PPFIA2: variants seen among roughly 807,000 people sequenced by gnomAD.
PPFIA2 encodes liprin-alpha-2.
In PPFIA2, 46 loss-of-function variants were observed where a neutral mutation model predicts 175.5. The observed-to-expected ratio is 0.26, with a 90% CI of 0.21 to 0.34. The LOEUF (loss-of-function observed/expected upper bound fraction) is 0.34, where lower values mean the gene tolerates loss of function less well. PPFIA2 is among the 10% of genes least tolerant of loss of function. The probability of loss-of-function intolerance (pLI) is 1.00; values close to 1 mark genes in which losing one functional copy is unlikely to be tolerated. For missense variants in PPFIA2, 1,179 were observed against 1,506.1 expected, an observed-to-expected ratio of 0.78 and a Z score of 3.60; for synonymous variants, 568 against 511.4, an observed-to-expected ratio of 1.11 and a Z score of -1.49.
chr12:81,663,055 AAAT>A (rs1448132579), intron 4 of PPFIA2, among the ~76,000 whole-genome samples: 1 of 152,186 alleles, frequency 6.6e-6, no homozygotes, highest in Non-Finnish European at 1.5e-5. Flanking sequence ...ACATATCTCA[AAAT>A]AATAAGAGCT....
At chr12:81,693,434 C>T (rs1359393397) in intron 3 of PPFIA2, among the ~76,000 whole-genome samples, 1 of 152,130 alleles carries the variant, frequency 6.6e-6, no homozygotes, top group East Asian at 1.9e-4. Context: ...TGTGATGTCC[C>T]TGTTCCCCCT....
chr12:81,639,340 G>A (rs564253161), intron 4 of PPFIA2, among the ~76,000 whole-genome samples: 114 of 151,742 alleles, frequency 7.5e-4, no homozygotes, highest in Non-Finnish European at 1.4e-3. Flanking sequence ...ACAACATTTA[G>A]CACATCTCTG....
At chr12:81,352,588 A>C (rs1566369588) in intron 17 of PPFIA2, among the ~76,000 whole-genome samples, 1 of 151,830 alleles carries the variant, frequency 6.6e-6, no homozygotes, top group Non-Finnish European at 1.5e-5. Flanking sequence ...ATGTTAATAA[A>C]CTTCCAAGAA....
intron 8 of PPFIA2, among the ~76,000 whole-genome samples, chr12:81,392,587 A>G (rs2040347976): frequency 6.6e-6 from 1 of 151,874 alleles, no homozygotes; most frequent in South Asian, 2.1e-4. Context: ...CATATTATAT[A>G]TTTACAAAAT....
At chr12:81,501,311 C>A (rs141763442) in intron 4 of PPFIA2, among the ~76,000 whole-genome samples, 2 of 152,168 alleles carry the variant, frequency 1.3e-5, no homozygotes, top group Non-Finnish European at 2.9e-5. Context: ...CTCAGTCAAG[C>A]CTTTATTTAG....
chr12:81,323,879 T>TGGGATAATCAATAATAA (rs1335831800), intron 22 of PPFIA2, among the ~76,000 whole-genome samples: 2 of 152,040 alleles, frequency 1.3e-5, no homozygotes, highest in African/African-American at 4.8e-5. Context: ...GCTATTGCTA[T>TGGGATAATCAATAATAA]GGGATAATCA....
At position 81,339,266 on chromosome 12, in the gene PPFIA2, A is replaced by G. The variant is rs765182564; in HGVS notation, c.2462T>C (p.Leu821Pro). 1.2e-6 allele frequency: 2 copies of G among 1,611,232 alleles called. No homozygotes were observed. Among genetic ancestry groups the G allele is most frequent in the Non-Finnish European group, 1.7e-6 (2 of 1,178,418 alleles). ...LGSANSSQDS[L>P]HKAPKKKGIK... is the part of the protein sequence containing the mutation. ...TCCTTTCTTCTTGGGGGCTTTGTGA[A>G]GAGAGTCTTGGCTGCTGTTGGCACT... The change falls in exon 21 of 33, where the codon CTT becomes CCT. Residue 821 changes from leucine (L) to proline (P), a missense_variant. Physicochemically the swap from Leu to Pro is moderately conservative, Grantham distance 98 (BLOSUM62 -3). Around this residue, in one of 10 missense-constraint regions of PPFIA2, gnomAD observed 223 missense variants for 241.6 expected, o/e 0.92. Transcript: ENST00000549396.
intron 4 of PPFIA2, among the ~76,000 whole-genome samples, chr12:81,525,897 A>G (rs1423047094): frequency 6.6e-6 from 1 of 152,220 alleles, no homozygotes; most frequent in Non-Finnish European, 1.5e-5. Flanking sequence ...ATTTTTGGCT[A>G]GAATAATATA....
At chr12:81,479,395 A>T (rs1219852400) in intron 4 of PPFIA2, among the ~76,000 whole-genome samples, 1 of 152,142 alleles carries the variant, frequency 6.6e-6, no homozygotes, top group Admixed American at 6.5e-5. Flanking sequence ...GCCAGTCTGT[A>T]TCTTTTAACT....
chr12:81,363,027 G>A (rs182607926), intron 14 of PPFIA2, among the ~76,000 whole-genome samples: 17 of 151,534 alleles, frequency 1.1e-4, no homozygotes, highest in Admixed American at 2.6e-4. Context: ...TTGAAAATTC[G>A]TGGGAATATT....
chr12:81,630,749 A>G (rs1447907385), intron 4 of PPFIA2, among the ~76,000 whole-genome samples: 3 of 151,974 alleles, frequency 2.0e-5, no homozygotes, highest in Non-Finnish European at 4.4e-5. Flanking sequence ...CGGTAGCTCA[A>G]CCTAGATCTA....
chr12:81,414,043 A>G (rs1280733445), intron 7 of PPFIA2, among the ~76,000 whole-genome samples: 1 of 151,722 alleles, frequency 6.6e-6, no homozygotes, highest in Non-Finnish European at 1.5e-5. Context: ...TAACCTTGTA[A>G]ATTTGGTATT....
chr12:81,273,679 T>C (rs977148311), intron 28 of PPFIA2, among the ~76,000 whole-genome samples: 4 of 152,162 alleles, frequency 2.6e-5, no homozygotes, highest in African/African-American at 9.6e-5. Flanking sequence ...ATCTCTCTAC[T>C]TAACTCCTTT....
rs909044527 is a variant in PPFIA2 at position 81,322,159 on chromosome 12, T to C, written c.2642+3618A>G. ...GCCTGTGTGGTTGGCTTTAATCGGCTATCCTGAACTTCGAAGCTTTTAGGT... is the reference window on the plus strand; with the variant it reads ...GCCTGTGTGGTTGGCTTTAATCGGCCATCCTGAACTTCGAAGCTTTTAGGT... On this transcript the variant is annotated intron_variant, in intron 22 of 32. Transcript: ENST00000549396. Among the ~76,000 whole-genome samples, 4 of 152,158 alleles carry C rather than the reference T, an allele frequency of 2.6e-5. No homozygotes were observed. The East Asian group carries it at 7.7e-4, about 29-fold the overall frequency.
At chr12:81,415,317 A>G (rs1221544190) in intron 7 of PPFIA2, among the ~76,000 whole-genome samples, 3 of 130,424 alleles carry the variant, frequency 2.3e-5, no homozygotes, top group Non-Finnish European at 4.8e-5. Context: ...TATTTATTGG[A>G]TGAATAAGAA....
chr12:81,343,711 G>A (rs1285389722), intron 19 of PPFIA2, among the ~76,000 whole-genome samples: 1 of 152,022 alleles, frequency 6.6e-6, no homozygotes, highest in Non-Finnish European at 1.5e-5. Flanking sequence ...CTAATAAGAT[G>A]TCATTTTGTG....
intron 4 of PPFIA2, among the ~76,000 whole-genome samples, chr12:81,525,339 T>A (rs1316057735): frequency 2.0e-5 from 3 of 152,140 alleles, no homozygotes; most frequent in Non-Finnish European, 2.9e-5. Flanking sequence ...AGGTCCCAAA[T>A]CACTTGCCTT....
intron 4 of PPFIA2, among the ~76,000 whole-genome samples, chr12:81,610,757 T>C (rs1463887129): frequency 1.3e-5 from 2 of 152,204 alleles, no homozygotes; most frequent in Non-Finnish European, 2.9e-5. Context: ...TAAGAACCAT[T>C]GCTGAGGAGC....
intron 3 of PPFIA2, among the ~76,000 whole-genome samples, chr12:81,721,716 T>C (rs1323183677): frequency 6.6e-6 from 1 of 151,248 alleles, no homozygotes; most frequent in East Asian, 1.9e-4. Flanking sequence ...CAACTCAACC[T>C]TTTTTGTCAT....
Sources: allele counts gnomAD v4.1 joint callset (sites outside exome capture counted in the v4.1 genomes callset), GRCh38; gene constraint gnomAD v4.1.1; regional missense constraint gnomAD v4.1.1; transcripts MANE v1.5; gene names NCBI Gene and HGNC (gene_info 2026-07-23, HGNC 2026-07-21).